Variants in RBFOX1 observed in about 807,000 individuals in gnomAD.
RBFOX1 encodes RNA binding fox-1 homolog 1, also known as RNA binding protein fox-1 homolog 1.
Under a neutral mutation model 57.7 loss-of-function variants are expected in RBFOX1, and 8 were observed. That is an observed-to-expected ratio of 0.14 (90% CI 0.08 to 0.25). RBFOX1 has a LOEUF of 0.25. RBFOX1 is among the 10% of genes least tolerant of loss of function. RBFOX1 has a pLI of 1.00. For synonymous variants in RBFOX1, 326 were observed against 222.4 expected (o/e 1.47, Z -4.15); for missense variants, 611 against 548.5 (o/e 1.11, Z -1.14).
At chr16:6,994,201 A>G (rs901961239) in intron 3 of RBFOX1, among the ~76,000 whole-genome samples, 3 of 152,116 alleles carry the variant, frequency 2.0e-5, no homozygotes, top group East Asian at 1.9e-4. Context: ...GCAAAATTAG[A>G]AGGAGGAAAA....
At chr16:7,632,381 C>G (rs2061117638) in intron 11 of RBFOX1, among the ~76,000 whole-genome samples, 1 of 152,146 alleles carries the variant, frequency 6.6e-6, no homozygotes, top group Non-Finnish European at 1.5e-5. Context: ...GTGCATGTAT[C>G]TCCTGAAATT....
At chr16:7,556,466 C>T (rs1348031165) in intron 5 of RBFOX1, among the ~76,000 whole-genome samples, 2 of 152,158 alleles carry the variant, frequency 1.3e-5, no homozygotes, top group African/African-American at 4.8e-5. Context: ...CCCATGATGG[C>T]CACAGGTAAC....
chr16:6,808,142 G>C (rs937370574), intron 3 of RBFOX1, among the ~76,000 whole-genome samples: 8 of 138,504 alleles, frequency 5.8e-5, no homozygotes, highest in African/African-American at 2.3e-4. Flanking sequence ...TATATAATAT[G>C]CATATTATAC....
chr16:5,830,622 A>T (rs1185201131), intron 3 of RBFOX1, among the ~76,000 whole-genome samples: 1 of 152,070 alleles, frequency 6.6e-6, no homozygotes, highest in Non-Finnish European at 1.5e-5. Flanking sequence ...GAAAAGATGT[A>T]TGGGAAGATA....
intron 2 of RBFOX1, among the ~76,000 whole-genome samples, chr16:6,438,656 G>A (rs77587169): frequency 1.8e-4 from 28 of 152,172 alleles, no homozygotes; most frequent in African/African-American, 5.3e-4. Flanking sequence ...TGGGGTTGGC[G>A]TTGTTTGGTC....
intron 4 of RBFOX1, among the ~76,000 whole-genome samples, chr16:7,300,757 A>G (rs979215184): frequency 2.0e-5 from 3 of 152,200 alleles, no homozygotes; most frequent in Non-Finnish European, 4.4e-5. Context: ...TTACAATATT[A>G]TTTTATGAGT....
chr16:5,664,355 C>G (rs1302559292), intron 3 of RBFOX1, among the ~76,000 whole-genome samples: 1 of 152,100 alleles, frequency 6.6e-6, no homozygotes, highest in Admixed American at 6.5e-5. Flanking sequence ...CGAGACCATA[C>G]TGGCCAACAT....
chr16:5,865,947 T>G (rs769916459), intron 3 of RBFOX1, among the ~76,000 whole-genome samples: 1 of 151,824 alleles, frequency 6.6e-6, no homozygotes, highest in African/African-American at 2.4e-5. Flanking sequence ...AGAAAGTAAG[T>G]TCTCTGCTCT....
At chr16:7,016,756 G>C (rs1393003878) in intron 3 of RBFOX1, among the ~76,000 whole-genome samples, 1 of 152,124 alleles carries the variant, frequency 6.6e-6, no homozygotes, top group African/African-American at 2.4e-5. Context: ...CTACTTCACT[G>C]GGCCGTTTTA....
chr16:6,932,828 C>T (rs1288082583), intron 3 of RBFOX1, among the ~76,000 whole-genome samples: 1 of 152,158 alleles, frequency 6.6e-6, no homozygotes, highest in Non-Finnish European at 1.5e-5. Flanking sequence ...TAACCATGGC[C>T]ACTGTACATC....
chr16:7,117,970 A>G (rs567774741), intron 4 of RBFOX1, among the ~76,000 whole-genome samples: 6 of 152,304 alleles, frequency 3.9e-5, no homozygotes, highest in African/African-American at 1.2e-4. Flanking sequence ...GAGAGTTGCT[A>G]TAATCTTATG....
rs542414364 is a variant in RBFOX1 at position 7,004,910 on chromosome 16, A to C, written c.-15-47147A>C. 1.2e-3 allele frequency among the ~76,000 whole-genome samples: 182 copies of C among 152,270 alleles called. 1 individual carries two copies. Among genetic ancestry groups the C allele is most frequent in the Non-Finnish European group, 2.0e-3 (134 of 68,026 alleles). On this transcript the variant is annotated intron_variant, in intron 3 of 15. Coordinates refer to ENST00000550418, the MANE Select transcript of RBFOX1 (RefSeq NM_018723.4). ...CACACCTGTAATTCCAGGACTTTGT[A>C]AGGTGGGCCGATCACTTGAGGTCAG...
chr16:6,644,600 C>G (rs768765933), intron 2 of RBFOX1, among the ~76,000 whole-genome samples: 2 of 152,306 alleles, frequency 1.3e-5, no homozygotes, highest in African/African-American at 4.8e-5. Context: ...GAGAACAATG[C>G]TGTGCCCAGG....
chr16:5,908,708 G>A (rs1225440417), intron 4 of RBFOX1, among the ~76,000 whole-genome samples: 1 of 152,040 alleles, frequency 6.6e-6, no homozygotes, highest in African/African-American at 2.4e-5. Flanking sequence ...TCAATTCGAT[G>A]CATATAAACT....
intron 2 of RBFOX1, among the ~76,000 whole-genome samples, chr16:6,398,854 A>G (rs1382352514): frequency 1.3e-5 from 2 of 152,222 alleles, no homozygotes; most frequent in Admixed American, 6.5e-5. Context: ...CTCTTCTCAT[A>G]GCTTCACTAG....
At chr16:5,605,546 T>C (rs1365004465) in intron 3 of RBFOX1, among the ~76,000 whole-genome samples, 2 of 151,974 alleles carry the variant, frequency 1.3e-5, no homozygotes, top group Admixed American at 1.3e-4. Flanking sequence ...AGTGGTGCCA[T>C]TGATTAGTAA....
intron 4 of RBFOX1, among the ~76,000 whole-genome samples, chr16:7,206,277 G>C (rs1245145336): frequency 6.6e-6 from 1 of 152,070 alleles, no homozygotes; most frequent in Non-Finnish European, 1.5e-5. Flanking sequence ...AAGTATCTAA[G>C]TTAATAATGG....
At chr16:6,802,448 G>A (rs373687332) in intron 3 of RBFOX1, among the ~76,000 whole-genome samples, 1 of 152,102 alleles carries the variant, frequency 6.6e-6, no homozygotes, top group Non-Finnish European at 1.5e-5. Context: ...AGGCCGAGGT[G>A]GGCACATCAC....
intron 5 of RBFOX1, among the ~76,000 whole-genome samples, chr16:7,575,175 C>T (rs1224781836): frequency 2.0e-5 from 3 of 152,076 alleles, no homozygotes; most frequent in Non-Finnish European, 2.9e-5. Flanking sequence ...CACTCTGTCA[C>T]CCAGGCTGGA....
Sources: gnomAD v4.1 joint callset for allele counts (sites outside exome capture counted in the v4.1 genomes callset) on GRCh38, gnomAD v4.1.1 for gene constraint, MANE v1.5 for transcripts, NCBI Gene and HGNC (gene_info 2026-07-23, HGNC 2026-07-21) for gene names.